The following SCAPER variants were observed in gnomAD, a reference collection of about 807,000 sequenced individuals.
SCAPER encodes the protein S phase cyclin A-associated protein in the endoplasmic reticulum.
Under a neutral mutation model 182.2 loss-of-function variants are expected in SCAPER, and 98 were observed. The ratio of observed to expected loss-of-function variants is 0.54; its 90% CI spans 0.46 to 0.64. The LOEUF (loss-of-function observed/expected upper bound fraction) is 0.64. Among genes scored for constraint, SCAPER ranks in the 30% least tolerant of loss-of-function variants. The probability of loss-of-function intolerance (pLI) is 0.00; values close to 1 mark genes in which losing one functional copy is unlikely to be tolerated. For synonymous variants in SCAPER, 605 were observed against 564.6 expected, an observed-to-expected ratio of 1.07 and a Z score of -1.01; for missense variants, 1,432 against 1,690.0, an observed-to-expected ratio of 0.85 and a Z score of 2.68.
chr15:76,607,329 A>G (rs1423519203), intron 22 of SCAPER, among the ~76,000 whole-genome samples: 1 of 152,202 alleles, frequency 6.6e-6, no homozygotes, highest in East Asian at 1.9e-4. Flanking sequence ...TTCTTTAACA[A>G]TGTTGAATAC....
chr15:76,457,776 T>C (rs541797768), intron 25 of SCAPER, among the ~76,000 whole-genome samples: 1 of 152,154 alleles, frequency 6.6e-6, no homozygotes, highest in Non-Finnish European at 1.5e-5. Flanking sequence ...AAAATTTGAC[T>C]TTTAAAGTAA....
intron 27 of SCAPER, among the ~76,000 whole-genome samples, chr15:76,398,748 A>C (rs985525543): frequency 1.1e-4 from 16 of 152,220 alleles, no homozygotes; most frequent in Non-Finnish European, 1.5e-4. Context: ...TTTTGTATAC[A>C]AATATTCTTG....
rs560462962 is a variant in SCAPER at position 76,711,073 on chromosome 15, G to A, written c.2166-5089C>T. ...GTTAAAAAGAATTACAGAACTAAATGCTAAGTGCTAACTGAAACATTTCTT... is the reference window on the plus strand; with the variant it reads ...GTTAAAAAGAATTACAGAACTAAATACTAAGTGCTAACTGAAACATTTCTT... On this transcript the variant is annotated intron_variant, in intron 17 of 31. Coordinates refer to ENST00000563290, the MANE Select transcript of SCAPER (RefSeq NM_020843.4). Among the ~76,000 whole-genome samples, 8 of 152,212 alleles carry A rather than the reference G, an allele frequency of 5.3e-5. 1 individual carries two copies. Among genetic ancestry groups the A allele is most frequent in the African/African-American group, 1.4e-4 (6 of 41,546 alleles).
intron 15 of SCAPER, among the ~76,000 whole-genome samples, chr15:76,749,401 A>G (rs113668684): frequency 1.8e-4 from 27 of 152,242 alleles, no homozygotes; most frequent in African/African-American, 6.5e-4. Flanking sequence ...TTAATGGTGA[A>G]GAGTAAATGC....
chr15:76,711,867 T>C (rs918419543), intron 17 of SCAPER, among the ~76,000 whole-genome samples: 5 of 152,078 alleles, frequency 3.3e-5, no homozygotes, highest in African/African-American at 1.2e-4. Context: ...GTTGCAAAAA[T>C]TTTCTCCCAT....
intron 15 of SCAPER, among the ~76,000 whole-genome samples, chr15:76,734,822 A>C (rs1189386909): frequency 1.3e-5 from 2 of 152,096 alleles, no homozygotes; most frequent in African/African-American, 4.8e-5. Context: ...TAGTGAACCA[A>C]GATCGCACCA....
intron 1 of SCAPER, among the ~76,000 whole-genome samples, chr15:76,898,430 C>CACAAAAACTTCTAGAGGA (rs1462865389): frequency 6.6e-6 from 1 of 152,104 alleles, no homozygotes; most frequent in African/African-American, 2.4e-5. Flanking sequence ...CACAAGTCCA[C>CACAAAAACTTCTAGAGGA]ACAAAAACTT....
intron 5 of SCAPER, among the ~76,000 whole-genome samples, 164 bp downstream of exon 5, chr15:76,841,570 C>T (rs1304986578): frequency 6.6e-6 from 1 of 152,018 alleles, no homozygotes; most frequent in Non-Finnish European, 1.5e-5. Context: ...TCACTTGAAC[C>T]TGGGAGGCAG....
intron 5 of SCAPER, among the ~76,000 whole-genome samples, chr15:76,817,405 T>C (rs1274044435): frequency 6.6e-6 from 1 of 152,172 alleles, no homozygotes; most frequent in African/African-American, 2.4e-5. Context: ...AGTGGTTGGT[T>C]AACAAGGTCA....
chr15:76,840,013 G>T (rs1343338383), intron 5 of SCAPER, among the ~76,000 whole-genome samples: 2 of 152,094 alleles, frequency 1.3e-5, no homozygotes, highest in East Asian at 3.8e-4. Flanking sequence ...AAGCCCAAAT[G>T]CTCAGTTTAC....
intron 1 of SCAPER, among the ~76,000 whole-genome samples, chr15:76,886,222 G>A (rs1340721598): frequency 2.0e-5 from 3 of 152,344 alleles, no homozygotes; most frequent in Non-Finnish European, 2.9e-5. Flanking sequence ...GCTCACGCCT[G>A]TAATCCCACC....
intron 21 of SCAPER, among the ~76,000 whole-genome samples, chr15:76,652,951 TA>T (rs2055301176): frequency 6.6e-6 from 1 of 152,192 alleles, no homozygotes; most frequent in African/African-American, 2.4e-5. Flanking sequence ...TTGCTGACAA[TA>T]TGATTCTACA....
At chr15:76,667,333 T>C (rs542910943) in intron 20 of SCAPER, among the ~76,000 whole-genome samples, 1 of 152,126 alleles carries the variant, frequency 6.6e-6, no homozygotes, top group Non-Finnish European at 1.5e-5. Flanking sequence ...AAGTCTTCTT[T>C]GCTAGGTCCT....
intron 8 of SCAPER, among the ~76,000 whole-genome samples, chr15:76,782,850 C>T (rs961113413): frequency 3.3e-5 from 5 of 152,088 alleles, no homozygotes; most frequent in East Asian, 3.9e-4. Context: ...AAAGACACGA[C>T]GTACCAGAAT....
chr15:76,556,221 A>T (rs939712575), intron 23 of SCAPER, among the ~76,000 whole-genome samples: 6 of 152,206 alleles, frequency 3.9e-5, no homozygotes, highest in African/African-American at 1.4e-4. Context: ...TTTGAAACTA[A>T]TGAGAACAAA....
chr15:76,483,081 A>G (rs914192934), intron 24 of SCAPER, among the ~76,000 whole-genome samples: 3 of 152,146 alleles, frequency 2.0e-5, no homozygotes, highest in Non-Finnish European at 4.4e-5. Context: ...GACTGACTCT[A>G]TGTGGCTACT....
chr15:76,546,964 T>C (rs1466244460), intron 23 of SCAPER, among the ~76,000 whole-genome samples: 1 of 152,148 alleles, frequency 6.6e-6, no homozygotes, highest in Non-Finnish European at 1.5e-5. Context: ...GATGAACATT[T>C]AGGTTGTTTT....
chr15:76,539,545 C>CTTTTTT (rs36086361), intron 23 of SCAPER, among the ~76,000 whole-genome samples: 13 of 119,390 alleles, frequency 1.1e-4, no homozygotes, highest in Admixed American at 1.9e-4. Flanking sequence ...ATCAAAATTT[C>CTTTTTT]TTTTTTTTTT....
chr15:76,566,899 A>C (rs899864972), intron 23 of SCAPER, among the ~76,000 whole-genome samples: 22 of 152,258 alleles, frequency 1.4e-4, no homozygotes, highest in African/African-American at 5.3e-4. Flanking sequence ...AAGTTAAATA[A>C]TAATTTTAAT....
Sources: gnomAD v4.1 joint callset for allele counts (sites outside exome capture counted in the v4.1 genomes callset) on GRCh38, gnomAD v4.1.1 for gene constraint, MANE v1.5 for transcripts, NCBI Gene and HGNC (gene_info 2026-07-23, HGNC 2026-07-21) for gene names.